The following PSD3 variants were observed in gnomAD, a reference collection of about 807,000 sequenced individuals.
The protein encoded by PSD3 is PH and SEC7 domain-containing protein 3.
PSD3 carries 49 observed loss-of-function variants against 105.5 expected under a neutral mutation model. That is an observed-to-expected ratio of 0.46 (90% CI 0.37 to 0.59). The LOEUF (loss-of-function observed/expected upper bound fraction) is 0.59, where lower values mean the gene tolerates loss of function less well. PSD3 is among the 20% of genes least tolerant of loss of function. PSD3 has a pLI of 0.00. For synonymous variants in PSD3, 557 were observed against 457.8 expected (o/e 1.22, Z -2.77); for missense variants, 1,561 against 1,263.8 (o/e 1.24, Z -3.57).
At chr8:18,767,604 G>A (rs1027728438) in intron 8 of PSD3, among the ~76,000 whole-genome samples, 2 of 151,950 alleles carry the variant, frequency 1.3e-5, no homozygotes, top group African/African-American at 2.4e-5. Flanking sequence ...TAAATTAGCC[G>A]GGTGCAGTGG....
At chr8:19,003,635 G>A (rs1425689963) in intron 1 of PSD3, among the ~76,000 whole-genome samples, 1 of 152,096 alleles carries the variant, frequency 6.6e-6, no homozygotes, top group Non-Finnish European at 1.5e-5. Flanking sequence ...TAAAAGAGGA[G>A]GGAAGAAGGA....
intron 4 of PSD3, among the ~76,000 whole-genome samples, chr8:18,826,664 A>G (rs1436584378): frequency 6.6e-6 from 1 of 152,240 alleles, no homozygotes; most frequent in Non-Finnish European, 1.5e-5. Flanking sequence ...TGAAGAATGC[A>G]TGTCAGCCTC....
chr8:18,755,467 C>CATAAT lies in PSD3; in HGVS notation c.2172+9981_2172+9982insATTAT, dbSNP rs1805955930. Among the ~76,000 whole-genome samples the CATAAT allele has an allele frequency of 1.3e-5, 2 of 151,830 alleles. 1 individual carries two copies. Among genetic ancestry groups the CATAAT allele is most frequent in the East Asian group, 3.9e-4 (2 of 5,178 alleles). On this transcript the variant is annotated intron_variant, in intron 9 of 15. Coordinates refer to ENST00000327040, the MANE Select transcript of PSD3 (RefSeq NM_015310.4). ...CATAACATAACATAACATAACATAA[C>CATAAT]ATAACATAACATAACATAAAAATGC...
At chr8:18,675,214 G>A (rs937568992) in intron 9 of PSD3, among the ~76,000 whole-genome samples, 3 of 152,072 alleles carry the variant, frequency 2.0e-5, no homozygotes, top group African/African-American at 7.2e-5. Context: ...GCTCAATAAG[G>A]ATTCGTTCCC....
intron 1 of PSD3, among the ~76,000 whole-genome samples, chr8:19,073,793 T>C (rs920163170): frequency 2.6e-5 from 2 of 76,906 alleles, no homozygotes; most frequent in East Asian, 6.0e-4. Flanking sequence ...TGTTTTTTTC[T>C]TTTTCTTTTT....
intron 1 of PSD3, among the ~76,000 whole-genome samples, chr8:19,077,577 T>C (rs1440472896): frequency 1.3e-5 from 2 of 152,186 alleles, no homozygotes; most frequent in Non-Finnish European, 2.9e-5. Context: ...CTAGAAACAC[T>C]TGCAGAGAGT....
At chr8:18,578,645 T>G (rs1445734828) in intron 12 of PSD3, among the ~76,000 whole-genome samples, 2 of 152,056 alleles carry the variant, frequency 1.3e-5, no homozygotes, top group Non-Finnish European at 2.9e-5. Context: ...TTGGAGCCAC[T>G]ATAAATATTC....
At chr8:18,888,952 G>A (rs959943547) in intron 2 of PSD3, among the ~76,000 whole-genome samples, 17 of 152,058 alleles carry the variant, frequency 1.1e-4, no homozygotes, top group Non-Finnish European at 2.1e-4. Flanking sequence ...ATAAGCTAGC[G>A]GGGCAAAGCT....
chr8:18,602,950 G>A (rs941684414), intron 11 of PSD3, among the ~76,000 whole-genome samples: 16 of 152,162 alleles, frequency 1.1e-4, no homozygotes, highest in African/African-American at 2.7e-4. Flanking sequence ...ACAGAGGTCC[G>A]TAAAGAGTTG....
At position 18,867,655 on chromosome 8, in the gene PSD3, A is replaced by G; in HGVS notation, c.1634+19T>C. 1 of 1,573,074 alleles carries G rather than the reference A, an allele frequency of 6.4e-7. No homozygotes were observed. The highest frequency in any genetic ancestry group is 8.6e-7 in the Non-Finnish European group (1 of 1,158,664). On this transcript the variant is annotated intron_variant, in intron 4 of 15. Coordinates refer to ENST00000327040, the MANE Select transcript of PSD3 (RefSeq NM_015310.4). ...TACAAAAACCACCAGCATGAAATGA[A>G]TGAGAATGGGACGAGTACCTTCCCC...
At chr8:18,848,875 C>T (rs1445154335) in intron 4 of PSD3, among the ~76,000 whole-genome samples, 6 of 152,116 alleles carry the variant, frequency 3.9e-5, no homozygotes, top group South Asian at 4.2e-4. Context: ...ACATTTCAAG[C>T]GGATACTTCT....
chr8:19,048,005 A>G (rs1052468397), intron 1 of PSD3, among the ~76,000 whole-genome samples: 13 of 152,154 alleles, frequency 8.5e-5, no homozygotes, highest in Middle Eastern at 3.4e-3. Flanking sequence ...AGCAACTCCA[A>G]TGACCAACTT....
At chr8:18,655,131 G>A (rs1212180763) in intron 10 of PSD3, among the ~76,000 whole-genome samples, 1 of 151,774 alleles carries the variant, frequency 6.6e-6, no homozygotes, top group Non-Finnish European at 1.5e-5. Context: ...AGACCATCCT[G>A]GCTAACACTG....
intron 1 of PSD3, among the ~76,000 whole-genome samples, chr8:19,081,291 G>A (rs1243104857): frequency 6.6e-6 from 1 of 152,240 alleles, no homozygotes; most frequent in African/African-American, 2.4e-5. Flanking sequence ...TAGACCTAAA[G>A]TCTTGAGTGT....
chr8:18,889,182 C>T (rs1295813576), intron 2 of PSD3, among the ~76,000 whole-genome samples: 1 of 152,220 alleles, frequency 6.6e-6, no homozygotes, highest in Non-Finnish European at 1.5e-5. Flanking sequence ...TAGTCTTTTA[C>T]AGCACCATCT....
intron 2 of PSD3, among the ~76,000 whole-genome samples, chr8:18,877,030 G>A (rs1817773119): frequency 6.6e-6 from 1 of 152,124 alleles, no homozygotes; most frequent in African/African-American, 2.4e-5. Context: ...TTATTACTGA[G>A]TTCTAAGAGT....
chr8:18,685,513 C>T (rs1800617641), intron 9 of PSD3, among the ~76,000 whole-genome samples: 2 of 151,898 alleles, frequency 1.3e-5, no homozygotes, highest in Non-Finnish European at 2.9e-5. Context: ...TAAAATGTTA[C>T]CATCTAAAAT....
chr8:18,697,236 G>T (rs1207189508), intron 9 of PSD3, among the ~76,000 whole-genome samples: 2 of 152,180 alleles, frequency 1.3e-5, no homozygotes, highest in East Asian at 1.9e-4. Flanking sequence ...CTGCTCGACA[G>T]CGACATGGGG....
chr8:19,084,751 T>C, upstream of PSD3: 1 of 294,410 alleles, frequency 3.4e-6, no homozygotes, highest in South Asian at 3.2e-5. Flanking sequence ...TGCAGCAGCC[T>C]CAAAGGAGGG....
Sources: allele counts gnomAD v4.1 joint callset (sites outside exome capture counted in the v4.1 genomes callset), GRCh38; gene constraint gnomAD v4.1.1; transcripts MANE v1.5; gene names NCBI Gene and HGNC (gene_info 2026-07-23, HGNC 2026-07-21).